TPCN1: variants seen among roughly 807,000 people sequenced by gnomAD.
TPCN1 encodes two pore channel protein 1.
Under a neutral mutation model 108.8 loss-of-function variants are expected in TPCN1, and 52 were observed. The ratio of observed to expected loss-of-function variants is 0.48; its 90% CI spans 0.38 to 0.60. The LOEUF (loss-of-function observed/expected upper bound fraction) is 0.60. Among genes scored for constraint, TPCN1 ranks in the 20% least tolerant of loss-of-function variants. The pLI, the probability that TPCN1 is intolerant of heterozygous loss-of-function variation, is 0.00. For missense variants in TPCN1, 806 were observed against 1,072.8 expected (o/e 0.75, Z 3.47); for synonymous variants, 446 against 433.7 (o/e 1.03, Z -0.35).
At position 113,278,773 on chromosome 12, in the gene TPCN1, C is replaced by T. The variant is rs1955760856; in HGVS notation, c.1235C>T (p.Ala412Val). 1 of 1,613,764 alleles carries T rather than the reference C, an allele frequency of 6.2e-7. No homozygotes were observed. The highest frequency in any genetic ancestry group is 1.7e-5 in the Admixed American group (1 of 59,984). ...IYEVAALKWK[A>V]KKNREHWFDE... The stretch of plus-strand genomic sequence containing the variant: ...CCTCTTGGTCCTGTTGTCTACCAGG[C>T]CAAGAAAAACAGAGAGCACTGGTTT... Residue 412 changes from alanine to valine, a missense_variant and splice_region_variant, in exon 14 of 28, where the codon GCC becomes GTC. Physicochemically the swap from Ala to Val is moderately conservative, Grantham distance 64. Coordinates refer to ENST00000335509, the MANE Select transcript of TPCN1 (RefSeq NM_017901.6).
At chr12:113,221,911 T>C (rs1953248783) in intron 1 of TPCN1, among the ~76,000 whole-genome samples, 1 of 152,158 alleles carries the variant, frequency 6.6e-6, no homozygotes, top group Non-Finnish European at 1.5e-5. Context: ...CCTGCCTCCT[T>C]CTTCCTCCCT....
Position 113,226,819 on chromosome 12 carries a change from A to C in TPCN1, c.-34A>C, listed in dbSNP as rs142521727. On this transcript the variant is annotated 5_prime_UTR_variant, in exon 2 of 28. Coordinates refer to ENST00000335509, the MANE Select transcript of TPCN1 (RefSeq NM_017901.6). ...AACCAGAGACTATTTCAAGCCCTGG[A>C]TATCATATCCTGAGGGCCACAGGAG... 5.1e-3 allele frequency: 8,202 copies of C among 1,614,044 alleles called. 287 individuals are homozygous for C. The Admixed American group carries it at 0.08, about 16-fold the overall frequency.
chr12:113,270,410 C>G (rs1327940509), intron 7 of TPCN1, among the ~76,000 whole-genome samples: 1 of 151,974 alleles, frequency 6.6e-6, no homozygotes, highest in East Asian at 1.9e-4. Context: ...ATAGGTGGTG[C>G]CTTCTGGCTG....
At chr12:113,292,167 AT>A (rs1441147310) in intron 25 of TPCN1, 1 of 564,046 alleles carries the variant, frequency 1.8e-6, no homozygotes, top group African/African-American at 1.9e-5. Flanking sequence ...TAACTTTAAA[AT>A]AAGACAGAGC....
At position 113,269,776 on chromosome 12, in the gene TPCN1, C is replaced by G; in HGVS notation, c.679C>G (p.Gln227Glu). Residue 227 changes from glutamine (Q) to glutamate (E), a missense_variant, in exon 7 of 28, where the codon CAG becomes GAG. Coordinates refer to ENST00000335509, the MANE Select transcript of TPCN1 (RefSeq NM_017901.6). The surrounding 1 kb of genome is among the most constrained non-coding windows in gnomAD (Gnocchi z 5.0). Reference protein sequence around the residue: ...GVRRNLRQIFQSLPPFMDILL... With the variant: ...GVRRNLRQIFESLPPFMDILL... ...CCCCAGCAACCTGCGGCAGATCTTC[C>G]AGTCCCTGCCGCCCTTCATGGACAT... 6.2e-7 allele frequency: 1 copy of G among 1,613,810 alleles called. No individual in the cohort carries two copies. The highest frequency in any genetic ancestry group is 8.5e-7 in the Non-Finnish European group (1 of 1,180,004).
intron 27 of TPCN1, among the ~76,000 whole-genome samples, chr12:113,295,241 GA>G (rs1209933979): frequency 6.6e-6 from 1 of 152,114 alleles, no homozygotes; most frequent in Non-Finnish European, 1.5e-5. Flanking sequence ...AAGGGGGCCA[GA>G]ACTAGGCCAT....
chr12:113,234,502 A>G (rs1376228919), intron 2 of TPCN1, among the ~76,000 whole-genome samples: 1 of 152,218 alleles, frequency 6.6e-6, no homozygotes, highest in Non-Finnish European at 1.5e-5. Context: ...GCCTGGTAGA[A>G]GTCCCTGGAC....
chr12:113,293,114 T>A, intron 26 of TPCN1, 41 bp downstream of exon 26: 1 of 1,603,080 alleles, frequency 6.2e-7, no homozygotes, highest in South Asian at 1.1e-5. Flanking sequence ...GGAGGCAGGT[T>A]TCAGTGTGGG....
Position 113,269,165 on chromosome 12 carries a change from C to T in TPCN1, c.659+293C>T, listed in dbSNP as rs1328433219. 6.6e-6 allele frequency among the ~76,000 whole-genome samples: 1 copy of T among 152,346 alleles called. No homozygotes were observed. Among genetic ancestry groups the T allele is most frequent in the East Asian group, 1.9e-4 (1 of 5,186 alleles). On this transcript the variant is annotated intron_variant, in intron 6 of 27. Transcript: ENST00000335509. This position sits in a 1 kb window ranked among gnomAD's most constrained non-coding sequence, Gnocchi z 5.0. ...GTTATCTACCCAAATGCAGGCAGCT[C>T]AGCAGCGTCCATGTGACACAAGCAG...
intron 27 of TPCN1, among the ~76,000 whole-genome samples, chr12:113,295,318 C>T (rs1956389339): frequency 1.3e-5 from 2 of 151,862 alleles, no homozygotes; most frequent in African/African-American, 4.8e-5. Flanking sequence ...TGGTGCACAC[C>T]TGTATTTCCA....
intron 2 of TPCN1, among the ~76,000 whole-genome samples, chr12:113,236,387 G>A (rs189988472): frequency 2.8e-4 from 42 of 152,168 alleles, no homozygotes; most frequent in Middle Eastern, 3.4e-3. Flanking sequence ...GAATTCTGAC[G>A]GTACAGCCCT....
At chr12:113,290,848 C>G in intron 22 of TPCN1, 104 bp from the exon 23 acceptor site, 1 of 1,106,306 alleles carries the variant, frequency 9.0e-7, no homozygotes, top group Non-Finnish European at 1.4e-6. Flanking sequence ...TGGTGACCCT[C>G]TCATCTTAGC....
intron 3 of TPCN1, among the ~76,000 whole-genome samples, chr12:113,261,081 A>C (rs1412451140): frequency 1.3e-5 from 2 of 151,952 alleles, no homozygotes; most frequent in East Asian, 3.9e-4. Context: ...AATCCCAGCT[A>C]CTCGGGAGGC....
At chr12:113,275,311 C>T (rs918096551) in intron 10 of TPCN1, among the ~76,000 whole-genome samples, 8 of 152,140 alleles carry the variant, frequency 5.3e-5, no homozygotes, top group African/African-American at 1.2e-4. Context: ...AATCTCAGCT[C>T]ACTGCAACCG....
Position 113,273,132 on chromosome 12 carries a change from C to A in TPCN1, c.784-100C>A. 2 of 1,013,758 alleles carry A rather than the reference C, an allele frequency of 2.0e-6. No homozygotes were observed. The highest frequency in any genetic ancestry group is 1.6e-6 in the Non-Finnish European group (1 of 635,884). The allele number at this position is 1,013,758 out of a possible 1,614,324, so 62.8% of individuals were successfully genotyped here. A position where few individuals can be genotyped will look rare whatever the true frequency, so the allele number is the denominator to read the frequency against. On this transcript the variant is annotated intron_variant, in intron 8 of 27. Coordinates refer to ENST00000335509, the MANE Select transcript of TPCN1 (RefSeq NM_017901.6). The surrounding 1 kb of genome is among the most constrained non-coding windows in gnomAD (Gnocchi z 4.0). ...AGGGATTCCTTGAGAGATGCAAGAG[C>A]GGTCAAGGCAGGGCATGCCAGGTGG...
intron 2 of TPCN1, among the ~76,000 whole-genome samples, chr12:113,255,930 A>G (rs1235046961): frequency 6.6e-6 from 1 of 151,214 alleles, no homozygotes; most frequent in Non-Finnish European, 1.5e-5. Flanking sequence ...AGCTCAAGCC[A>G]TCCTCCCACC....
At chr12:113,274,081 T>C (rs557244615) in intron 10 of TPCN1, among the ~76,000 whole-genome samples, 27 of 152,348 alleles carry the variant, frequency 1.8e-4, no homozygotes, top group African/African-American at 6.5e-4. Context: ...ATAACCTGTG[T>C]ACATTCATCC....
Position 113,268,607 on chromosome 12 carries a change from G to T in TPCN1, c.529-135G>T. 1.8e-6 allele frequency: 2 copies of T among 1,085,050 alleles called. No homozygotes were observed. The highest frequency in any genetic ancestry group is 2.6e-5 in the East Asian group (1 of 37,986). The allele number at this position is 1,085,050 out of a possible 1,614,324, so 67.2% of individuals were successfully genotyped here. A position where few individuals can be genotyped will look rare whatever the true frequency, so the allele number is the denominator to read the frequency against. ...TGGGGCTGCCTGATGTTGGCAGGAA[G>T]TGTGAGAGGGCTGGAGAGAGGAGAA... On this transcript the variant is annotated intron_variant, in intron 5 of 27. Transcript: ENST00000335509. The surrounding 1 kb of genome is among the most constrained non-coding windows in gnomAD (Gnocchi z 7.3).
chr12:113,221,528 T>C lies in TPCN1; in HGVS notation c.-224T>C, dbSNP rs1057050518. On this transcript the variant is annotated 5_prime_UTR_variant, in exon 1 of 28. Coordinates refer to ENST00000335509, the MANE Select transcript of TPCN1 (RefSeq NM_017901.6). Reference sequence around the variant, plus strand: ...CGGCGGCTTCGGCGGCTGCGGCGGCTGCAACAGCTTCGGGCTCGGGGTTTT... The same window carrying C: ...CGGCGGCTTCGGCGGCTGCGGCGGCCGCAACAGCTTCGGGCTCGGGGTTTT... 5 of 288,106 alleles carry C rather than the reference T, an allele frequency of 1.7e-5. No individual in the cohort carries two copies. Among genetic ancestry groups the C allele is most frequent in the Non-Finnish European group, 2.1e-5 (3 of 143,048 alleles). The allele number at this position is 288,106 out of a possible 1,614,324, so 17.8% of individuals were successfully genotyped here.
Sources: allele counts gnomAD v4.1 joint callset (sites outside exome capture counted in the v4.1 genomes callset), GRCh38; gene constraint gnomAD v4.1.1; non-coding constraint Gnocchi (gnomAD v3.1); transcripts MANE v1.5; gene names NCBI Gene and HGNC (gene_info 2026-07-23, HGNC 2026-07-21).